KCNC2: variants seen among roughly 807,000 people sequenced by gnomAD.
KCNC2 encodes the protein potassium voltage-gated channel subfamily C member 2.
KCNC2 carries 21 observed loss-of-function variants against 44.5 expected under a neutral mutation model. The ratio of observed to expected loss-of-function variants is 0.47; its 90% CI spans 0.33 to 0.68. KCNC2 has a LOEUF of 0.68. KCNC2 is among the 30% of genes least tolerant of loss of function. The probability of loss-of-function intolerance (pLI) is 0.01; values close to 1 mark genes in which losing one functional copy is unlikely to be tolerated. For missense variants in KCNC2, 589 were observed against 826.2 expected (o/e 0.71, Z 3.52); for synonymous variants, 391 against 339.1 (o/e 1.15, Z -1.68).
At chr12:75,075,753 AT>A (rs1565832599) in intron 2 of KCNC2, among the ~76,000 whole-genome samples, 2 of 152,002 alleles carry the variant, frequency 1.3e-5, no homozygotes, top group Non-Finnish European at 1.5e-5. Flanking sequence ...ACTATACATC[AT>A]TACTCATGGT....
chr12:75,092,310 A>T (rs951951320), intron 2 of KCNC2, among the ~76,000 whole-genome samples: 1 of 151,678 alleles, frequency 6.6e-6, no homozygotes, highest in African/African-American at 2.4e-5. Context: ...TCCTTGCTTT[A>T]GAAGTAGAGA....
chr12:75,093,963 A>G (rs1187540053), intron 2 of KCNC2, among the ~76,000 whole-genome samples: 1 of 151,688 alleles, frequency 6.6e-6, no homozygotes, highest in Non-Finnish European at 1.5e-5. Context: ...CTTTTGCACC[A>G]ACCTAATAAT....
intron 2 of KCNC2, among the ~76,000 whole-genome samples, chr12:75,128,428 A>C (rs969015736): frequency 6.6e-6 from 1 of 152,220 alleles, no homozygotes; most frequent in African/African-American, 2.4e-5. Context: ...TATAAAAAAC[A>C]ATACTTGGAG....
At chr12:75,135,582 T>C (rs1889168854) in intron 2 of KCNC2, among the ~76,000 whole-genome samples, 1 of 152,046 alleles carries the variant, frequency 6.6e-6, no homozygotes, top group African/African-American at 2.4e-5. Context: ...ATATTGATGT[T>C]ACCGCAAAAT....
chr12:75,135,665 A>G (rs994868252), intron 2 of KCNC2, among the ~76,000 whole-genome samples: 1 of 152,048 alleles, frequency 6.6e-6, no homozygotes, highest in Non-Finnish European at 1.5e-5. Flanking sequence ...AACATTCTAC[A>G]TTGGTTCTGT....
chr12:75,054,904 A>G (rs571839122), intron 2 of KCNC2, among the ~76,000 whole-genome samples: 17 of 152,168 alleles, frequency 1.1e-4, no homozygotes, highest in Non-Finnish European at 2.1e-4. Flanking sequence ...TTGCATTAGC[A>G]AAGACTTGGT....
intron 2 of KCNC2, among the ~76,000 whole-genome samples, chr12:75,117,126 G>A (rs1001583457): frequency 8.6e-5 from 13 of 152,014 alleles, no homozygotes; most frequent in African/African-American, 2.9e-4. Context: ...CAAAAAGAAA[G>A]AAATAACTTC....
At chr12:75,075,103 A>G (rs987400558) in intron 2 of KCNC2, among the ~76,000 whole-genome samples, 2 of 152,196 alleles carry the variant, frequency 1.3e-5, no homozygotes, top group Non-Finnish European at 2.9e-5. Context: ...AAAAACCTCA[A>G]TGTTAACCTG....
Position 75,040,695 on chromosome 12 carries a change from C to T in KCNC2, c.*2410G>A, listed in dbSNP as rs1459964528. The stretch of plus-strand genomic sequence containing the variant: ...AACATAATTGACAAGCTGATTACAT[C>T]AGTAATTTATAAGAAAATTATACAA... On this transcript the variant is annotated 3_prime_UTR_variant, in exon 5 of 5. Transcript: ENST00000549446. 6.1e-6 allele frequency: 1 copy of T among 164,186 alleles called. No homozygotes were observed. Among genetic ancestry groups the T allele is most frequent in the African/African-American group, 2.4e-5 (1 of 41,828 alleles). 10.2% of individuals were successfully genotyped at this position (164,186 alleles called of 1,614,324 possible).
chr12:75,042,021 T>C lies in KCNC2; in HGVS notation c.*1084A>G. The C allele has an allele frequency of 9.0e-7, 1 of 1,108,648 alleles. No homozygotes were observed. The highest frequency in any genetic ancestry group is 1.1e-6 in the Non-Finnish European group (1 of 910,752). 68.7% of individuals were successfully genotyped at this position (1,108,648 alleles called of 1,614,324 possible). A position where few individuals can be genotyped will look rare whatever the true frequency, so the allele number is the denominator to read the frequency against. On this transcript the variant is annotated 3_prime_UTR_variant, in exon 5 of 5. Transcript: ENST00000549446. ...CACCTGATTAAACACTGCCTGAAAATCTGATTAATCTTTTGACTCAGGAAT... is the reference window on the plus strand; with the variant it reads ...CACCTGATTAAACACTGCCTGAAAACCTGATTAATCTTTTGACTCAGGAAT...
At chr12:75,095,384 TTA>T (rs1885834441) in intron 2 of KCNC2, among the ~76,000 whole-genome samples, 1 of 151,788 alleles carries the variant, frequency 6.6e-6, no homozygotes, top group African/African-American at 2.4e-5. Context: ...TTCTTAATTT[TTA>T]ATAGAAGCCC....
chr12:75,063,529 A>C (rs183203334), intron 2 of KCNC2, among the ~76,000 whole-genome samples: 1 of 152,044 alleles, frequency 6.6e-6, no homozygotes, highest in Non-Finnish European at 1.5e-5. Flanking sequence ...AAGGTTTTCA[A>C]TGTCCAGAAA....
intron 2 of KCNC2, among the ~76,000 whole-genome samples, chr12:75,167,424 T>C (rs1253799620): frequency 6.6e-6 from 1 of 151,486 alleles, no homozygotes; most frequent in Non-Finnish European, 1.5e-5. Context: ...AAGCTTCTTA[T>C]GAATCACAGT....
intron 2 of KCNC2, among the ~76,000 whole-genome samples, chr12:75,059,015 T>C (rs1000321484): frequency 6.6e-6 from 1 of 152,018 alleles, no homozygotes; most frequent in Non-Finnish European, 1.5e-5. Context: ...TTCAGATGTA[T>C]GAGCAGCAGA....
chr12:75,062,420 T>C (rs1882437600), intron 2 of KCNC2, among the ~76,000 whole-genome samples: 1 of 152,144 alleles, frequency 6.6e-6, no homozygotes, highest in African/African-American at 2.4e-5. Flanking sequence ...ATTTGTCTTC[T>C]AGATTTTTAT....
rs141808447 is a variant in KCNC2, at chr12:75,139,854, C to A, written c.687+67443G>T. Among the ~76,000 whole-genome samples the A allele has an allele frequency of 5.9e-5, 9 of 152,186 alleles. No individual in the cohort carries two copies. The South Asian group carries it at 1.5e-3, about 25-fold the overall frequency. On this transcript the variant is annotated intron_variant, in intron 2 of 4. Transcript: ENST00000549446. ...AAGTATTGCAGCGGAAGAAAAACTA[C>A]GAGCAAACATATATTTCAGCCATAA...
intron 2 of KCNC2, among the ~76,000 whole-genome samples, chr12:75,127,216 G>A (rs1888492762): frequency 1.3e-5 from 2 of 152,018 alleles, no homozygotes; most frequent in Admixed American, 6.6e-5. Context: ...GTTACATGAC[G>A]GTGCTAGTTG....
At chr12:75,078,379 T>C (rs1235865832) in intron 2 of KCNC2, among the ~76,000 whole-genome samples, 2 of 152,196 alleles carry the variant, frequency 1.3e-5, no homozygotes, top group South Asian at 2.1e-4. Flanking sequence ...AACATTCAGT[T>C]TGATATTTTC....
chr12:75,062,924 A>G (rs1051571251), intron 2 of KCNC2, among the ~76,000 whole-genome samples: 1 of 152,110 alleles, frequency 6.6e-6, no homozygotes, highest in Admixed American at 6.6e-5. Context: ...TGACATCCAC[A>G]GCTTCAATGA....
Sources: gnomAD v4.1 joint callset for allele counts (sites outside exome capture counted in the v4.1 genomes callset) on GRCh38, gnomAD v4.1.1 for gene constraint, MANE v1.5 for transcripts, NCBI Gene and HGNC (gene_info 2026-07-23, HGNC 2026-07-21) for gene names.